The following DLC1 variants were observed in gnomAD, a reference collection of about 807,000 sequenced individuals.
The protein encoded by DLC1 is DLC1 Rho GTPase activating protein.
In DLC1, 54 loss-of-function variants were observed where a neutral mutation model predicts 140.3. That is an observed-to-expected ratio of 0.38 (90% CI 0.31 to 0.48). The LOEUF is 0.48. Among genes scored for constraint, DLC1 ranks in the 20% least tolerant of loss-of-function variants. DLC1 has a pLI of 0.96. For synonymous variants in DLC1, 986 were observed against 728.1 expected, an observed-to-expected ratio of 1.35 and a Z score of -5.70; for missense variants, 2,536 against 1,907.0, an observed-to-expected ratio of 1.33 and a Z score of -6.14.
chr8:13,355,987 G>T (rs1224795554), intron 4 of DLC1, among the ~76,000 whole-genome samples: 1 of 145,772 alleles, frequency 6.9e-6, no homozygotes, highest in Non-Finnish European at 1.5e-5. Flanking sequence ...CTACTCAGGA[G>T]GCAGAGGCAG....
intron 1 of DLC1, chr8:13,568,304 G>T (rs1804528637): frequency 1.0e-5 from 2 of 194,472 alleles, no homozygotes; most frequent in Non-Finnish European, 2.3e-5. Flanking sequence ...GCTCTGACTT[G>T]TGCGCCCGGA....
At chr8:13,143,844 G>GAGAGAGAGAGAC (rs1554584116) in intron 5 of DLC1, among the ~76,000 whole-genome samples, 5 of 148,168 alleles carry the variant, frequency 3.4e-5, no homozygotes, top group Admixed American at 2.6e-4. Flanking sequence ...GAGAGAGAGA[G>GAGAGAGAGAGAC]AGAGAGAGAC....
chr8:13,393,692 T>A lies in DLC1; in HGVS notation c.1175A>T (p.Asp392Val), dbSNP rs141624794. 2.8e-4 allele frequency: 457 copies of A among 1,612,254 alleles called. 1 individual carries two copies. The highest frequency in any genetic ancestry group is 3.5e-4 in the Non-Finnish European group (417 of 1,179,474). The change falls in exon 4 of 18, where the codon GAT becomes GTT. Residue 392 changes from aspartate to valine, a missense_variant and splice_region_variant. By Grantham distance (152) the Asp-to-Val change is radical. Coordinates refer to ENST00000276297, the MANE Select transcript of DLC1 (RefSeq NM_182643.3). ...TPTNLRRHVP[D>V]LESGSESGAD... ...TCCACTTTCAGATCCTGATTCCAGA[T>A]CCTATTAAAAAACAAATGCACTGGT...
intron 5 of DLC1, among the ~76,000 whole-genome samples, chr8:13,201,090 C>T (rs1327545205): frequency 6.6e-6 from 1 of 151,664 alleles, no homozygotes; most frequent in African/African-American, 2.4e-5. Context: ...CTCCTTCTTC[C>T]CTTCAAATAA....
At chr8:13,313,804 T>C (rs1055384375) in intron 4 of DLC1, among the ~76,000 whole-genome samples, 14 of 152,236 alleles carry the variant, frequency 9.2e-5, no homozygotes, top group Admixed American at 8.5e-4. Flanking sequence ...TTTTTTCTTA[T>C]TTTCCCTAAG....
chr8:13,136,627 C>T (rs949378234), intron 5 of DLC1, among the ~76,000 whole-genome samples: 4 of 152,170 alleles, frequency 2.6e-5, no homozygotes, highest in Non-Finnish European at 4.4e-5. Context: ...AAGAGGATCC[C>T]AGGCTCAAGC....
At chr8:13,251,128 G>A (rs943351039) in intron 5 of DLC1, among the ~76,000 whole-genome samples, 9 of 152,154 alleles carry the variant, frequency 5.9e-5, no homozygotes, top group Admixed American at 4.6e-4. Context: ...TCCTTTCTAT[G>A]TGCACTCTCC....
At chr8:13,520,078 A>T (rs962953883) in intron 1 of DLC1, among the ~76,000 whole-genome samples, 2 of 152,328 alleles carry the variant, frequency 1.3e-5, no homozygotes, top group African/African-American at 4.8e-5. Context: ...TTCCTCAAGG[A>T]TCTACAACTA....
chr8:13,555,556 A>T (rs1347768790), intron 1 of DLC1, among the ~76,000 whole-genome samples: 1 of 151,798 alleles, frequency 6.6e-6, no homozygotes, highest in Non-Finnish European at 1.5e-5. Flanking sequence ...CAGTGGTATG[A>T]TCTCGGCTCA....
At chr8:13,357,746 C>G (rs1400049743) in intron 4 of DLC1, among the ~76,000 whole-genome samples, 2 of 152,120 alleles carry the variant, frequency 1.3e-5, no homozygotes, top group Non-Finnish European at 2.9e-5. Context: ...GATATGTTTG[C>G]AATAGATATG....
At chr8:13,119,914 TAA>T (rs34050837) in intron 5 of DLC1, among the ~76,000 whole-genome samples, 3 of 134,338 alleles carry the variant, frequency 2.2e-5, no homozygotes, top group African/African-American at 2.7e-5. Context: ...AGACTCTATC[TAA>T]AAAAAAAAAA....
intron 7 of DLC1, among the ~76,000 whole-genome samples, chr8:13,105,519 C>G (rs187298616): frequency 1.3e-5 from 2 of 151,966 alleles, no homozygotes; most frequent in East Asian, 3.9e-4. Context: ...GGTCACAGAT[C>G]TTGTCTAAGT....
chr8:13,567,248 A>C (rs1319601810), intron 1 of DLC1: 2 of 1,551,710 alleles, frequency 1.3e-6, no homozygotes. Flanking sequence ...TTGAGTAAAA[A>C]ATGGATCAAC....
intron 1 of DLC1, chr8:13,557,609 G>C (rs1804093702): frequency 6.6e-6 from 1 of 152,090 alleles, no homozygotes; most frequent in East Asian, 1.9e-4. Flanking sequence ...TTTAAAGTGT[G>C]GTACTTCCTT....
At chr8:13,443,873 A>T (rs1484179544) in intron 2 of DLC1, among the ~76,000 whole-genome samples, 1 of 152,128 alleles carries the variant, frequency 6.6e-6, no homozygotes, top group Non-Finnish European at 1.5e-5. Flanking sequence ...AACAAACGTC[A>T]CATGTTTGGC....
chr8:13,138,273 G>A (rs982208832), intron 5 of DLC1, among the ~76,000 whole-genome samples: 11 of 152,140 alleles, frequency 7.2e-5, no homozygotes, highest in African/African-American at 2.2e-4. Flanking sequence ...GTGGCTTGTT[G>A]ACCTGTCTTA....
chr8:13,349,748 TAAGTGATCAATCC>T (rs1295993025), intron 4 of DLC1, among the ~76,000 whole-genome samples: 1 of 152,188 alleles, frequency 6.6e-6, no homozygotes, highest in African/African-American at 2.4e-5. Context: ...AATTCTAGTA[TAAGTGATCAATCC>T]AAGTGAATTG....
At chr8:13,482,153 C>G (rs185789597) in intron 2 of DLC1, among the ~76,000 whole-genome samples, 1 of 152,132 alleles carries the variant, frequency 6.6e-6, no homozygotes, top group Non-Finnish European at 1.5e-5. Context: ...AAAATGAATA[C>G]AGCAGTCAAA....
intron 1 of DLC1, among the ~76,000 whole-genome samples, chr8:13,543,436 A>G (rs1281079700): frequency 5.9e-5 from 9 of 152,164 alleles, no homozygotes; most frequent in African/African-American, 2.2e-4. Flanking sequence ...TTGGGTAAAT[A>G]TCCAGTAGGA....
Sources: allele counts gnomAD v4.1 joint callset (sites outside exome capture counted in the v4.1 genomes callset), GRCh38; gene constraint gnomAD v4.1.1; transcripts MANE v1.5; gene names NCBI Gene and HGNC (gene_info 2026-07-23, HGNC 2026-07-21).